LRP4: variants seen among roughly 807,000 people sequenced by gnomAD.
LRP4 encodes the protein LDL receptor related protein 4.
Under a neutral mutation model 220.3 loss-of-function variants are expected in LRP4, and 95 were observed. The observed-to-expected ratio is 0.43, with a 90% CI of 0.37 to 0.51. The LOEUF (loss-of-function observed/expected upper bound fraction) is 0.51, where lower values mean the gene tolerates loss of function less well. LRP4 is among the 20% of genes least tolerant of loss of function. The pLI, the probability that LRP4 is intolerant of heterozygous loss-of-function variation, is 0.00. For synonymous variants in LRP4, 903 were observed against 954.6 expected (o/e 0.95, Z 1.00); for missense variants, 1,925 against 2,567.0 (o/e 0.75, Z 5.40).
intron 19 of LRP4, 62 bp from the exon 20 acceptor site, chr11:46,881,965 G>C: frequency 6.5e-7 from 1 of 1,530,908 alleles, no homozygotes; most frequent in South Asian, 1.1e-5. Flanking sequence ...GGGACTCAGA[G>C]TACCTAGGAT....
chr11:46,863,043 T>C, intron 36 of LRP4: 1 of 415,664 alleles, frequency 2.4e-6, no homozygotes, highest in Non-Finnish European at 4.5e-6. Flanking sequence ...AGAAGCAACC[T>C]GCCATGTTGT....
In LRP4 at chr11:46,898,941, G is replaced by GT; in HGVS notation, c.638dup (p.Asp213GlufsTer3). ...CGTCTGACCAGTCTCCACAGTCATC[G>GT]TCGCCATCGCAGTGGTAGATGTCGA... On this transcript the variant is annotated frameshift_variant, in exon 6 of 38. Coordinates refer to ENST00000378623, the MANE Select transcript of LRP4 (RefSeq NM_002334.4). LOFTEE classifies it high-confidence loss of function. The GT allele has an allele frequency of 6.2e-7, 1 of 1,613,830 alleles. No homozygotes were observed.
intron 34 of LRP4, among the ~76,000 whole-genome samples, chr11:46,866,252 G>A (rs973658897): frequency 2.0e-5 from 3 of 150,788 alleles, no homozygotes; most frequent in African/African-American, 4.9e-5. Flanking sequence ...ATTCACATAT[G>A]TATTTCCAGA....
Position 46,895,306 on chromosome 11 carries a change from C to A in LRP4, c.1184-15G>T. 6.2e-7 allele frequency: 1 copy of A among 1,611,474 alleles called. No individual in the cohort carries two copies. The highest frequency in any genetic ancestry group is 1.1e-5 in the South Asian group (1 of 91,084). Reference sequence around the variant, plus strand: ...TTCATTCACATCTGGGAACACCAGGCAGGTCAAGAGATCTCCCTTCTGTCG... The same window carrying A: ...TTCATTCACATCTGGGAACACCAGGAAGGTCAAGAGATCTCCCTTCTGTCG... On this transcript the variant is annotated splice_polypyrimidine_tract_variant and intron_variant, in intron 10 of 37. Transcript: ENST00000378623.
At chr11:46,863,026 C>A (rs758755797) in intron 36 of LRP4, 1 of 448,900 alleles carries the variant, frequency 2.2e-6, no homozygotes, top group Non-Finnish European at 4.1e-6. Flanking sequence ...TTTGCTCTTG[C>A]TCTGGGAGAA....
In LRP4 at chr11:46,864,520, A is replaced by G. The variant is rs753737131; in HGVS notation, c.5171T>C (p.Ile1724Thr). The G allele has an allele frequency of 8.7e-6, 14 of 1,612,628 alleles. No individual in the cohort carries two copies. The highest frequency in any genetic ancestry group is 1.2e-5 in the Non-Finnish European group (14 of 1,178,752). The change falls in exon 36 of 38, where the codon ATC (isoleucine) becomes ACC (threonine). Residue 1724 changes from isoleucine to threonine, a missense_variant. By Grantham distance (89) the Ile-to-Thr change is moderately conservative. Transcript: ENST00000378623. ...GAGGAGTCCACCAATGGCGTAGCTG[A>G]TATGAAGTCCTTCCCCTAGGAAGAA... Reference protein sequence around the residue: ...VPAAPGEGLHISYAIGGLLSI... With the variant: ...VPAAPGEGLHTSYAIGGLLSI...
intron 2 of LRP4, 110 bp from the exon 3 acceptor site, chr11:46,900,488 T>C: frequency 3.9e-6 from 3 of 759,668 alleles, no homozygotes; most frequent in Non-Finnish European, 7.0e-6. Flanking sequence ...TTTTCTTTTT[T>C]TGAGACCGAG....
chr11:46,897,362 ATTTTTATTTT>A (rs1460989142), intron 7 of LRP4, among the ~76,000 whole-genome samples: 3 of 83,598 alleles, frequency 3.6e-5, no homozygotes, highest in African/African-American at 7.8e-5. Context: ...TTATTTTTTT[ATTTTTATTTT>A]TTTTTATTTT....
chr11:46,857,318 A>G lies in LRP4; in HGVS notation c.*1665T>C, dbSNP rs542794163. ...TCTAGCAGTCTTAGAACTGACTAGA[A>G]AAGAATTGATCTTGTCCTTTTTCAC... On this transcript the variant is annotated 3_prime_UTR_variant, in exon 38 of 38. Coordinates refer to ENST00000378623, the MANE Select transcript of LRP4 (RefSeq NM_002334.4). 8 of 152,346 alleles carry G rather than the reference A, an allele frequency of 5.3e-5. No homozygotes were observed. Among genetic ancestry groups the G allele is most frequent in the African/African-American group, 1.9e-4 (8 of 41,584 alleles). 9.4% of individuals were successfully genotyped at this position (152,346 alleles called of 1,614,324 possible). A position where few individuals can be genotyped will look rare whatever the true frequency, so the allele number is the denominator to read the frequency against.
chr11:46,915,759 G>C (rs544362097), intron 1 of LRP4, among the ~76,000 whole-genome samples: 14 of 152,220 alleles, frequency 9.2e-5, no homozygotes, highest in Non-Finnish European at 1.9e-4. Flanking sequence ...GGCCAGGCTG[G>C]TCTTGAACTC....
chr11:46,876,497 G>T lies in LRP4; in HGVS notation c.3505C>A (p.Pro1169Thr). Residue 1169 changes from proline to threonine, a missense_variant, in exon 25 of 38, where the codon CCC becomes ACC. By Grantham distance (38) the Pro-to-Thr change is conservative (BLOSUM62 -1). Around this residue, in one of 3 missense-constraint regions of LRP4, gnomAD observed 1,244 missense variants for 1,624.9 expected, o/e 0.77. Coordinates refer to ENST00000378623, the MANE Select transcript of LRP4 (RefSeq NM_002334.4). The stretch of plus-strand genomic sequence containing the variant: ...TCATGGTACAGTACGATGGCCCGGG[G>T]ACTGTCAAGGTTCTGCCACACCAAC... ...KVLVWQNLDSPRAIVLYHEMG... is the reference protein window; with the variant it reads ...KVLVWQNLDSTRAIVLYHEMG... 6.2e-7 allele frequency: 1 copy of T among 1,614,186 alleles called. No homozygotes were observed. Among genetic ancestry groups the T allele is most frequent in the Non-Finnish European group, 8.5e-7 (1 of 1,180,044 alleles).
intron 1 of LRP4, among the ~76,000 whole-genome samples, chr11:46,905,999 G>C (rs1941753117): frequency 1.3e-5 from 2 of 152,156 alleles, no homozygotes; most frequent in Admixed American, 1.3e-4. Context: ...CAGGATGAAA[G>C]CTGTGGAAAG....
chr11:46,868,802 A>T (rs758109416), intron 32 of LRP4, 89 bp from the exon 33 acceptor site: 74 of 1,243,540 alleles, frequency 6.0e-5, no homozygotes, highest in Non-Finnish European at 8.4e-5. Flanking sequence ...ATCCAGGATT[A>T]CCCTACTCCC....
rs745607286 is a variant in LRP4 at position 46,896,290 on chromosome 11, C to T, written c.968G>A (p.Arg323His). ...ALDQFLCWNG[R>H]CIGQRKLCNG... ...GCACAGCTTCCTCTGCCCAATGCAG[C>T]GCCCATTCCAACACAGGAACTGGTC... is the stretch of plus-strand genomic sequence containing the variant. The change falls in exon 9 of 38, where the codon CGC (arginine) becomes CAC (histidine). Residue 323 changes from arginine (R) to histidine (H), a missense_variant. Physicochemically the swap from Arg to His is conservative, Grantham distance 29. Transcript: ENST00000378623. The T allele has an allele frequency of 1.2e-5, 19 of 1,614,162 alleles. No individual in the cohort carries two copies. Among genetic ancestry groups the T allele is most frequent in the Admixed American group, 3.3e-5 (2 of 60,032 alleles).
rs748212505 is a variant in LRP4, at chr11:46,864,549, A to G, written c.5156-14T>C. On this transcript the variant is annotated splice_polypyrimidine_tract_variant and intron_variant, in intron 35 of 37. Transcript: ENST00000378623. ...GAAGTCCTTCCCCTAGGAAGAATAG[A>G]GAAACACTAGGCAGGGGCCACCGAC... 6.4e-7 allele frequency: 1 copy of G among 1,566,100 alleles called. No homozygotes were observed. Among genetic ancestry groups the G allele is most frequent in the Non-Finnish European group, 8.8e-7 (1 of 1,136,514 alleles).
intron 31 of LRP4, 151 bp from the exon 32 acceptor site, chr11:46,869,283 T>C (rs1165075002): frequency 1.3e-5 from 10 of 785,472 alleles, no homozygotes; most frequent in Non-Finnish European, 2.0e-5. Flanking sequence ...AGACATGACA[T>C]TGTCAAGGAA....
At chr11:46,876,437 C>G (rs754038971) in intron 25 of LRP4, 29 bp downstream of exon 25, 6 of 1,613,652 alleles carry the variant, frequency 3.7e-6, no homozygotes, top group Non-Finnish European at 5.1e-6. Flanking sequence ...GCCCCCCACA[C>G]TACCCAGTGC....
In LRP4 at chr11:46,896,035, A is replaced by G. The variant is rs761049543; in HGVS notation, c.1049-17T>C. The G allele has an allele frequency of 2.5e-6, 4 of 1,614,044 alleles. No homozygotes were observed. The highest frequency in any genetic ancestry group is 2.2e-5 in the South Asian group (2 of 91,086). On this transcript the variant is annotated splice_polypyrimidine_tract_variant and intron_variant, in intron 9 of 37. Coordinates refer to ENST00000378623, the MANE Select transcript of LRP4 (RefSeq NM_002334.4). ...TCCGGGGCCCTGTGCCAGCCAAGCC[A>G]GAGTTGGGAGTTGAGCCCAGAATCC...
chr11:46,863,625 G>T (rs1355598171), intron 36 of LRP4, among the ~76,000 whole-genome samples: 2 of 151,080 alleles, frequency 1.3e-5, no homozygotes. Flanking sequence ...TGGGCATGGT[G>T]GTGCATGCTT....
Sources: gnomAD v4.1 joint callset for allele counts (sites outside exome capture counted in the v4.1 genomes callset) on GRCh38, gnomAD v4.1.1 for gene constraint, gnomAD v4.1.1 regional missense constraint, MANE v1.5 for transcripts, NCBI Gene and HGNC (gene_info 2026-07-23, HGNC 2026-07-21) for gene names.